ANXA10: variants seen among roughly 807,000 people sequenced by gnomAD.
ANXA10 encodes the protein annexin A10, also known as annexin 14.
In ANXA10, 49 loss-of-function variants were observed where a neutral mutation model predicts 53.5. That is an observed-to-expected ratio of 0.92 (90% CI 0.73 to 1.16). The LOEUF is 1.16. ANXA10 is among the 50% of genes most tolerant of loss of function. The pLI is 0.00. For missense variants in ANXA10, 393 were observed against 394.4 expected (o/e 1.00, Z 0.03); for synonymous variants, 131 against 128.9 (o/e 1.02, Z -0.11).
In ANXA10 at chr4:168,146,345, T is replaced by C. The variant is rs190493004; in HGVS notation, c.195+6765T>C. On this transcript the variant is annotated intron_variant, in intron 3 of 11. Coordinates refer to ENST00000359299, the MANE Select transcript of ANXA10 (RefSeq NM_007193.5). The stretch of plus-strand genomic sequence containing the variant: ...GCTGATTGACCTGAAACAGCAATAT[T>C]GTAACTTGAAAAAGTGTTATCATTT... Among the ~76,000 whole-genome samples the C allele has an allele frequency of 5.9e-5, 9 of 152,312 alleles. No individual in the cohort carries two copies. The East Asian group carries it at 1.7e-3, about 29-fold the overall frequency.
intron 3 of ANXA10, among the ~76,000 whole-genome samples, chr4:168,160,506 C>T (rs897475002): frequency 2.0e-5 from 3 of 152,018 alleles, no homozygotes; most frequent in African/African-American, 7.2e-5. Flanking sequence ...GTGAATAGTG[C>T]TGCGATGAAC....
chr4:168,111,836 A>T (rs1730812593), intron 1 of ANXA10, among the ~76,000 whole-genome samples: 1 of 152,212 alleles, frequency 6.6e-6, no homozygotes, highest in Admixed American at 6.5e-5. Context: ...CTTTTTAAAT[A>T]ATATAGTACT....
At chr4:168,093,235 ATTAAT>A (rs1332466012) in intron 1 of ANXA10, among the ~76,000 whole-genome samples, 3 of 152,154 alleles carry the variant, frequency 2.0e-5, no homozygotes, top group African/African-American at 7.2e-5. Flanking sequence ...AATTTTGACT[ATTAAT>A]TTTATTTTAA....
chr4:168,164,512 A>G (rs1483289565), intron 5 of ANXA10, among the ~76,000 whole-genome samples: 2 of 152,160 alleles, frequency 1.3e-5, no homozygotes, highest in Non-Finnish European at 2.9e-5. Context: ...CAGGAAAATA[A>G]TTACAAGTCT....
chr4:168,092,695 A>T lies in ANXA10; in HGVS notation c.-6A>T, dbSNP rs776672820. On this transcript the variant is annotated 5_prime_UTR_variant, in exon 1 of 12. Transcript: ENST00000359299. ...TTCATCCCTGAGGTTAACAATTACC[A>T]TCAAAATGTTTTGTGGAGACTATGT... 5 of 1,593,648 alleles carry T rather than the reference A, an allele frequency of 3.1e-6. No individual in the cohort carries two copies. Among genetic ancestry groups the T allele is most frequent in the Non-Finnish European group, 4.3e-6 (5 of 1,171,276 alleles).
chr4:168,118,697 A>C (rs1730938115), intron 1 of ANXA10, among the ~76,000 whole-genome samples: 1 of 152,156 alleles, frequency 6.6e-6, no homozygotes, highest in Non-Finnish European at 1.5e-5. Flanking sequence ...CATGATGGGG[A>C]AGCAGACTTT....
chr4:168,110,675 ATAGT>A (rs1006710527), intron 1 of ANXA10, among the ~76,000 whole-genome samples: 24 of 152,176 alleles, frequency 1.6e-4, no homozygotes, highest in African/African-American at 5.5e-4. Flanking sequence ...TCTTTAGTAT[ATAGT>A]TAAACAACTT....
chr4:168,165,384 A>C, intron 6 of ANXA10, 58 bp downstream of exon 6: 1 of 674,252 alleles, frequency 1.5e-6, no homozygotes, highest in Non-Finnish European at 2.1e-6. Context: ...AGTATATGTC[A>C]TTGCCAAAAA....
At chr4:168,114,622 C>T (rs1730863063) in intron 1 of ANXA10, among the ~76,000 whole-genome samples, 1 of 152,062 alleles carries the variant, frequency 6.6e-6, no homozygotes, top group South Asian at 2.1e-4. Flanking sequence ...GTTGTTTTTC[C>T]TGATCATATC....
intron 6 of ANXA10, among the ~76,000 whole-genome samples, chr4:168,172,838 G>A (rs56111323): frequency 0.02 from 2,961 of 148,394 alleles, 81 homozygotes; most frequent in African/African-American, 0.069. Flanking sequence ...CACCCAGGCT[G>A]GAGTGCAATG....
intron 1 of ANXA10, among the ~76,000 whole-genome samples, chr4:168,096,926 A>ATATATATATG (rs371811709): frequency 3.1e-5 from 4 of 129,914 alleles, no homozygotes; most frequent in Non-Finnish European, 4.8e-5. Flanking sequence ...ATATATATAT[A>ATATATATATG]TATGTATGTA....
At chr4:168,156,183 T>TTA (rs1553957748) in intron 3 of ANXA10, among the ~76,000 whole-genome samples, 11 of 45,202 alleles carry the variant, frequency 2.4e-4, no homozygotes, top group African/African-American at 5.0e-4. Context: ...ATATTATATA[T>TTA]TATATATTAT....
intron 6 of ANXA10, among the ~76,000 whole-genome samples, chr4:168,167,993 C>A (rs966284997): frequency 6.6e-6 from 1 of 152,156 alleles, no homozygotes; most frequent in Non-Finnish European, 1.5e-5. Flanking sequence ...AACTTTCTCT[C>A]TTCTCCCTTG....
At position 168,151,422 on chromosome 4, in the gene ANXA10, G is replaced by A. The variant is rs556186217; in HGVS notation, c.196-11106G>A. Among the ~76,000 whole-genome samples the A allele has an allele frequency of 3.2e-3, 490 of 152,294 alleles. 2 individuals carry two copies. Among genetic ancestry groups the A allele is most frequent in the African/African-American group, 0.011 (458 of 41,542 alleles). On this transcript the variant is annotated intron_variant, in intron 3 of 11. Transcript: ENST00000359299. ...CCATTTTATTTTTAATTTAAATGGA[G>A]TGGTTAGAATAGCTGCAGCAAGGGT...
chr4:168,156,216 T>C (rs1731668164), intron 3 of ANXA10, among the ~76,000 whole-genome samples: 1 of 18,356 alleles, frequency 5.4e-5, no homozygotes, highest in African/African-American at 2.6e-4. Flanking sequence ...TTATATTATA[T>C]GTAATATGTA....
chr4:168,175,567 T>G (rs1193053383), intron 6 of ANXA10, among the ~76,000 whole-genome samples: 1 of 152,220 alleles, frequency 6.6e-6, no homozygotes, highest in African/African-American at 2.4e-5. Context: ...GTGGGACTCC[T>G]AAGGTACCTG....
At chr4:168,174,154 CCAAA>C (rs1235048358) in intron 6 of ANXA10, among the ~76,000 whole-genome samples, 1 of 152,104 alleles carries the variant, frequency 6.6e-6, no homozygotes, top group Non-Finnish European at 1.5e-5. Flanking sequence ...TTGGGACCTG[CCAAA>C]CAGTGAGTGT....
At chr4:168,139,631 AC>A in intron 3 of ANXA10, 51 bp downstream of exon 3, 1 of 1,391,334 alleles carries the variant, frequency 7.2e-7, no homozygotes, top group Non-Finnish European at 1.0e-6. Flanking sequence ...TTGAGAACTA[AC>A]CACACTCACG....
chr4:168,183,571 G>A (rs1203795207), intron 10 of ANXA10, among the ~76,000 whole-genome samples: 4 of 152,148 alleles, frequency 2.6e-5, no homozygotes, highest in African/African-American at 9.7e-5. Context: ...CTGTATTTTT[G>A]CTGTGTATGT....
Sources: allele counts gnomAD v4.1 joint callset (sites outside exome capture counted in the v4.1 genomes callset), GRCh38; gene constraint gnomAD v4.1.1; transcripts MANE v1.5; gene names NCBI Gene and HGNC (gene_info 2026-07-23, HGNC 2026-07-21).